Variants in CRACR2A observed in about 807,000 individuals in gnomAD.
CRACR2A encodes the protein EF-hand calcium-binding domain-containing protein 4B.
A neutral mutation model predicts 90.5 loss-of-function variants in CRACR2A; 79 were observed. The ratio of observed to expected loss-of-function variants is 0.87; its 90% CI spans 0.73 to 1.05. The LOEUF (loss-of-function observed/expected upper bound fraction) is 1.05, where lower values mean the gene tolerates loss of function less well. CRACR2A is among the 50% of genes least tolerant of loss of function. The pLI, the probability that CRACR2A is intolerant of heterozygous loss-of-function variation, is 0.00. For synonymous variants in CRACR2A, 338 were observed against 356.7 expected (o/e 0.95, Z 0.59); for missense variants, 823 against 897.2 (o/e 0.92, Z 1.06).
chr12:3,728,046 C>T (rs1417680933), intron 2 of CRACR2A: 2 of 152,198 alleles, frequency 1.3e-5, no homozygotes. Flanking sequence ...TTTGTATCTG[C>T]ACACAGCTGC....
intron 7 of CRACR2A, among the ~76,000 whole-genome samples, chr12:3,667,876 G>C (rs1190381702): frequency 2.0e-5 from 3 of 152,186 alleles, no homozygotes; most frequent in Admixed American, 2.0e-4. Flanking sequence ...TGCATGATTA[G>C]AGTAGAGCTG....
intron 10 of CRACR2A, among the ~76,000 whole-genome samples, chr12:3,653,229 C>G (rs1412009557): frequency 6.7e-6 from 1 of 149,304 alleles, no homozygotes; most frequent in East Asian, 1.9e-4. Context: ...AATCTGCCCA[C>G]CTTGGCCTCC....
chr12:3,722,758 C>T (rs1225378107), intron 2 of CRACR2A, among the ~76,000 whole-genome samples: 1 of 152,136 alleles, frequency 6.6e-6, no homozygotes, highest in Non-Finnish European at 1.5e-5. Context: ...CATCCACTGG[C>T]TTTTTCATGA....
intron 12 of CRACR2A, among the ~76,000 whole-genome samples, chr12:3,644,109 G>A (rs918284556): frequency 6.8e-6 from 1 of 146,940 alleles, no homozygotes; most frequent in African/African-American, 2.5e-5. Context: ...ATGGTACTCA[G>A]GTATGGAAGA....
chr12:3,692,419 C>T (rs1945663413), intron 4 of CRACR2A, among the ~76,000 whole-genome samples: 1 of 150,800 alleles, frequency 6.6e-6, no homozygotes. Flanking sequence ...GCTCAGCTCC[C>T]AACTCCTGGA....
intron 1 of CRACR2A, among the ~76,000 whole-genome samples, chr12:3,752,142 C>G (rs1591733278): frequency 6.6e-6 from 1 of 152,196 alleles, no homozygotes; most frequent in Non-Finnish European, 1.5e-5. Flanking sequence ...CGGATTGGCT[C>G]TTTCTGTCCT....
chr12:3,749,642 CT>C (rs1946676228), intron 1 of CRACR2A, among the ~76,000 whole-genome samples: 1 of 152,296 alleles, frequency 6.6e-6, no homozygotes, highest in Non-Finnish European at 1.5e-5. Context: ...TGACCCTGTA[CT>C]TGGACGGAAC....
intron 7 of CRACR2A, among the ~76,000 whole-genome samples, chr12:3,669,212 C>G (rs1158927384): frequency 6.6e-6 from 1 of 152,196 alleles, no homozygotes; most frequent in Non-Finnish European, 1.5e-5. Flanking sequence ...TGGGGTGGGA[C>G]CTCTGGCATC....
At chr12:3,657,234 C>T (rs1260353247) in intron 8 of CRACR2A, among the ~76,000 whole-genome samples, 1 of 152,240 alleles carries the variant, frequency 6.6e-6, no homozygotes. Context: ...AACAAAAATA[C>T]CCATGCCATC....
chr12:3,740,478 G>A (rs1012312537), intron 1 of CRACR2A, among the ~76,000 whole-genome samples: 1 of 152,106 alleles, frequency 6.6e-6, no homozygotes, highest in African/African-American at 2.4e-5. Context: ...ATGTCCTTGG[G>A]CAAGCCACTT....
intron 8 of CRACR2A, among the ~76,000 whole-genome samples, chr12:3,658,792 A>G (rs1944965986): frequency 6.6e-6 from 1 of 152,144 alleles, no homozygotes; most frequent in Admixed American, 6.5e-5. Flanking sequence ...AGATAGTCCA[A>G]AAATGGGTAC....
chr12:3,741,952 C>T (rs1328206508), intron 1 of CRACR2A, among the ~76,000 whole-genome samples: 1 of 152,236 alleles, frequency 6.6e-6, no homozygotes, highest in Admixed American at 6.5e-5. Context: ...GCAAGAGAGT[C>T]ACCCATGACT....
At chr12:3,713,388 C>T (rs538485089) in intron 2 of CRACR2A, 71 bp from the exon 3 acceptor site, 5 of 852,980 alleles carry the variant, frequency 5.9e-6, no homozygotes, top group Non-Finnish European at 7.1e-6. Flanking sequence ...GGCTTTATAG[C>T]AATTTTGGAA....
intron 7 of CRACR2A, among the ~76,000 whole-genome samples, chr12:3,666,167 A>G (rs1945131163): frequency 6.6e-6 from 1 of 152,036 alleles, no homozygotes; most frequent in South Asian, 2.1e-4. Context: ...CAGAGGGGAG[A>G]GAGTACCAGT....
intron 9 of CRACR2A, 136 bp downstream of exon 9, chr12:3,656,174 CT>C (rs1388882307): frequency 1.4e-6 from 1 of 737,454 alleles, no homozygotes; most frequent in Non-Finnish European, 2.3e-6. Flanking sequence ...TAAATGCTAT[CT>C]TTTGCGCGAC....
chr12:3,696,685 T>C, intron 4 of CRACR2A, 87 bp downstream of exon 4: 1 of 1,572,762 alleles, frequency 6.4e-7, no homozygotes, highest in Non-Finnish European at 8.6e-7. Context: ...CTGTTAAGGA[T>C]GTCACCTCCC....
intron 2 of CRACR2A, chr12:3,728,686 G>A (rs1391384192): frequency 1.3e-5 from 2 of 152,256 alleles, no homozygotes; most frequent in African/African-American, 4.8e-5. Flanking sequence ...GATACTTTGG[G>A]AGACCCCCAG....
chr12:3,668,423 T>A (rs1056640065), intron 7 of CRACR2A, among the ~76,000 whole-genome samples: 1 of 152,136 alleles, frequency 6.6e-6, no homozygotes, highest in African/African-American at 2.4e-5. Context: ...TTAGACTCCC[T>A]AGGGGAGGGG....
intron 2 of CRACR2A, chr12:3,725,943 G>A (rs1328372948): frequency 6.6e-6 from 1 of 151,926 alleles, no homozygotes; most frequent in Non-Finnish European, 1.5e-5. Context: ...CATGAATCAG[G>A]CTGTCATCCA....
Sources: gnomAD v4.1 joint callset for allele counts (sites outside exome capture counted in the v4.1 genomes callset) on GRCh38, gnomAD v4.1.1 for gene constraint, MANE v1.5 for transcripts, NCBI Gene and HGNC (gene_info 2026-07-23, HGNC 2026-07-21) for gene names.